ZSWIM5: variants seen among roughly 807,000 people sequenced by gnomAD.
The protein encoded by ZSWIM5 is zinc finger SWIM domain-containing protein 5.
In ZSWIM5, 55 loss-of-function variants were observed where a neutral mutation model predicts 119.6. The ratio of observed to expected loss-of-function variants is 0.46; its 90% CI spans 0.37 to 0.58. The LOEUF is 0.58. ZSWIM5 is among the 20% of genes least tolerant of loss of function. The pLI, the probability that ZSWIM5 is intolerant of heterozygous loss-of-function variation, is 0.00. For synonymous variants in ZSWIM5, 537 were observed against 606.9 expected (o/e 0.88, Z 1.69); for missense variants, 1,193 against 1,512.8 (o/e 0.79, Z 3.51).
intron 2 of ZSWIM5, among the ~76,000 whole-genome samples, chr1:45,084,552 C>A (rs542021481): frequency 1.4e-4 from 21 of 152,228 alleles, no homozygotes; most frequent in African/African-American, 2.9e-4. Flanking sequence ...CCGGTAAAAT[C>A]AAAAACAAGT....
intron 1 of ZSWIM5, among the ~76,000 whole-genome samples, chr1:45,091,212 C>A (rs1022302692): frequency 3.3e-5 from 5 of 152,094 alleles, no homozygotes; most frequent in African/African-American, 1.2e-4. Flanking sequence ...AAACTAGGTG[C>A]TAAGAAAGTA....
chr1:45,166,540 C>G (rs949618139), intron 1 of ZSWIM5, among the ~76,000 whole-genome samples: 2 of 152,022 alleles, frequency 1.3e-5, no homozygotes, highest in African/African-American at 4.8e-5. Flanking sequence ...TCCCTGTTTG[C>G]AGACATGACA....
chr1:45,149,407 C>T (rs1045226980), intron 1 of ZSWIM5, among the ~76,000 whole-genome samples: 10 of 152,154 alleles, frequency 6.6e-5, no homozygotes, highest in African/African-American at 2.4e-4. Flanking sequence ...CAATTTAGCA[C>T]AAATCTTTAT....
rs16832427 is a variant in ZSWIM5 at position 45,086,431 on chromosome 1, C to G, written c.952+1450G>C. ...CAAAAAATTCTTATGTCAAATGAACCTAGGTTATAAATAACTTCCTTATTT... is the reference window on the plus strand; with the variant it reads ...CAAAAAATTCTTATGTCAAATGAACGTAGGTTATAAATAACTTCCTTATTT... On this transcript the variant is annotated intron_variant, in intron 2 of 13. Transcript: ENST00000359600. Among the ~76,000 whole-genome samples, 1,388 of 152,208 alleles carry G rather than the reference C, an allele frequency of 9.1e-3. 22 individuals carry two copies. The highest frequency in any genetic ancestry group is 0.032 in the African/African-American group (1,320 of 41,526).
At chr1:45,160,515 G>T (rs1230073486) in intron 1 of ZSWIM5, among the ~76,000 whole-genome samples, 1 of 152,094 alleles carries the variant, frequency 6.6e-6, no homozygotes, top group Non-Finnish European at 1.5e-5. Flanking sequence ...ACCTTTGAGT[G>T]AGAACATGTG....
intron 11 of ZSWIM5, among the ~76,000 whole-genome samples, chr1:45,034,056 T>C (rs893487058): frequency 1.3e-5 from 2 of 152,152 alleles, no homozygotes; most frequent in Non-Finnish European, 2.9e-5. Context: ...GGTTTCACCA[T>C]GTTGGCCAGG....
intron 2 of ZSWIM5, among the ~76,000 whole-genome samples, chr1:45,082,454 C>A (rs1007798990): frequency 2.6e-5 from 4 of 152,080 alleles, no homozygotes; most frequent in Non-Finnish European, 5.9e-5. Flanking sequence ...ACATCATTAT[C>A]AAAACCATCA....
At chr1:45,200,771 T>C (rs895041022) in intron 1 of ZSWIM5, among the ~76,000 whole-genome samples, 10 of 152,228 alleles carry the variant, frequency 6.6e-5, no homozygotes, top group African/African-American at 2.4e-4. Context: ...CCTAATAAAA[T>C]TAATGTGGTG....
chr1:45,131,325 T>C (rs1645655116), intron 1 of ZSWIM5, among the ~76,000 whole-genome samples: 1 of 152,158 alleles, frequency 6.6e-6, no homozygotes, highest in South Asian at 2.1e-4. Context: ...AATAAAAAGT[T>C]TAATAAAAAA....
At chr1:45,113,778 C>T (rs1284749402) in intron 1 of ZSWIM5, among the ~76,000 whole-genome samples, 4 of 152,196 alleles carry the variant, frequency 2.6e-5, no homozygotes, top group Non-Finnish European at 5.9e-5. Context: ...GCCTGCTGGA[C>T]ATCCCCTCAA....
intron 1 of ZSWIM5, among the ~76,000 whole-genome samples, chr1:45,125,250 AT>A (rs1375812372): frequency 6.6e-6 from 1 of 152,192 alleles, no homozygotes; most frequent in Non-Finnish European, 1.5e-5. Flanking sequence ...ATCTGACCAT[AT>A]TTTTTTAAAC....
At chr1:45,149,715 A>T (rs576845252) in intron 1 of ZSWIM5, among the ~76,000 whole-genome samples, 30 of 152,354 alleles carry the variant, frequency 2.0e-4, no homozygotes, top group African/African-American at 7.0e-4. Flanking sequence ...CACAGAGTTA[A>T]ATATTTGTTT....
intron 2 of ZSWIM5, among the ~76,000 whole-genome samples, chr1:45,080,073 G>A (rs1479568527): frequency 6.6e-6 from 1 of 152,116 alleles, no homozygotes; most frequent in Non-Finnish European, 1.5e-5. Context: ...GGAGCCATAA[G>A]CTGAACTGCC....
chr1:45,130,236 T>C (rs1645647247), intron 1 of ZSWIM5, among the ~76,000 whole-genome samples: 1 of 152,148 alleles, frequency 6.6e-6, no homozygotes, highest in Admixed American at 6.6e-5. Flanking sequence ...TTCGTCAAAA[T>C]TACAAACTCT....
intron 2 of ZSWIM5, among the ~76,000 whole-genome samples, chr1:45,062,475 T>C: frequency 6.6e-6 from 1 of 152,144 alleles, no homozygotes; most frequent in Middle Eastern, 3.2e-3. Flanking sequence ...ATGCTACTTT[T>C]CTTCAAATGT....
In ZSWIM5 at chr1:45,034,306, G is replaced by T; in HGVS notation, c.2449+6C>A. The T allele has an allele frequency of 6.3e-7, 1 of 1,597,436 alleles. No homozygotes were observed. Among genetic ancestry groups the T allele is most frequent in the East Asian group, 2.2e-5 (1 of 44,644 alleles). ...ATGCTGGAGCTTAAGGTCTATCTATGCTCACCTTTGGCAGCAGTCAGCATG... is the reference window on the plus strand; with the variant it reads ...ATGCTGGAGCTTAAGGTCTATCTATTCTCACCTTTGGCAGCAGTCAGCATG... On this transcript the variant is annotated splice_donor_region_variant and intron_variant, in intron 11 of 13. Coordinates refer to ENST00000359600, the MANE Select transcript of ZSWIM5 (RefSeq NM_020883.2).
At chr1:45,064,416 A>G (rs1420609547) in intron 2 of ZSWIM5, among the ~76,000 whole-genome samples, 1 of 152,326 alleles carries the variant, frequency 6.6e-6, no homozygotes, top group African/African-American at 2.4e-5. Flanking sequence ...GCACTGAGTT[A>G]ATATTTATAG....
chr1:45,076,673 C>A (rs1289251302), intron 2 of ZSWIM5, among the ~76,000 whole-genome samples: 1 of 152,118 alleles, frequency 6.6e-6, no homozygotes, highest in Non-Finnish European at 1.5e-5. Context: ...CTGATATAAT[C>A]CCTTTGAATA....
intron 11 of ZSWIM5, among the ~76,000 whole-genome samples, chr1:45,028,761 TAAAAATAAAA>T (rs1291092323): frequency 2.7e-5 from 4 of 148,512 alleles, no homozygotes; most frequent in Non-Finnish European, 5.9e-5. Context: ...TCTCAAAAAA[TAAAAATAAAA>T]AAAAATAAAT....
Sources: gnomAD v4.1 joint callset for allele counts (sites outside exome capture counted in the v4.1 genomes callset) on GRCh38, gnomAD v4.1.1 for gene constraint, MANE v1.5 for transcripts, NCBI Gene and HGNC (gene_info 2026-07-23, HGNC 2026-07-21) for gene names.